Variants in RIPK4 observed in about 807,000 individuals in gnomAD.
RIPK4 encodes receptor-interacting serine/threonine-protein kinase 4.
RIPK4 carries 17 observed loss-of-function variants against 42.9 expected under a neutral mutation model. That is an observed-to-expected ratio of 0.40 (90% confidence interval 0.27 to 0.59). The LOEUF is 0.59. RIPK4 is among the 20% of genes least tolerant of loss of function. The pLI, the probability that RIPK4 is intolerant of heterozygous loss-of-function variation, is 0.47. For missense variants in RIPK4, 897 were observed against 1,104.4 expected, an observed-to-expected ratio of 0.81 and a Z score of 2.66; for synonymous variants, 498 against 499.1, an observed-to-expected ratio of 1.00 and a Z score of 0.03.
chr21:41,746,359 G>A (rs1190418333), intron 5 of RIPK4, among the ~76,000 whole-genome samples: 1 of 152,252 alleles, frequency 6.6e-6, no homozygotes, highest in African/African-American at 2.4e-5. Flanking sequence ...TCCTCTGGGT[G>A]GCAAGCCCAA....
Position 41,741,082 on chromosome 21 carries a change from T to C in RIPK4, c.2111A>G (p.Gln704Arg). 1 of 1,611,876 alleles carries C rather than the reference T, an allele frequency of 6.2e-7. No individual in the cohort carries two copies. ...GGCGGCAGCCAGGTGCAGCGCCGTCTGGTTCAGGGGTCCCCGGGCCAGCAC... is the reference window on the plus strand; with the variant it reads ...GGCGGCAGCCAGGTGCAGCGCCGTCCGGTTCAGGGGTCCCCGGGCCAGCAC... ...ADVLARGPLN[Q>R]TALHLAAAHG... is the part of the protein sequence containing the mutation. The change falls in exon 8 of 8, where the codon CAG (glutamine) becomes CGG (arginine). Residue 704 changes from glutamine to arginine, a missense_variant. Coordinates refer to ENST00000332512, the MANE Select transcript of RIPK4 (RefSeq NM_020639.3).
chr21:41,746,696 G>T lies in RIPK4; in HGVS notation c.749C>A (p.Ala250Asp). 6.2e-7 allele frequency: 1 copy of T among 1,610,834 alleles called. No homozygotes were observed. ...CAGGTGGCTGCAGGCGCGCGGCCGG[G>T]CTCTGCACACGGGCGGCAGCTCGGG... Reference protein sequence around the residue: ...HRPELPPVCRARPRACSHLIR... With the variant: ...HRPELPPVCRDRPRACSHLIR... Residue 250 changes from alanine (A) to aspartate (D), a missense_variant, in exon 5 of 8, where the codon GCC becomes GAC. Coordinates refer to ENST00000332512, the MANE Select transcript of RIPK4 (RefSeq NM_020639.3).
intron 6 of RIPK4, among the ~76,000 whole-genome samples, chr21:41,745,255 T>G (rs1195485393): frequency 2.0e-5 from 3 of 152,208 alleles, no homozygotes; most frequent in Non-Finnish European, 2.9e-5. Flanking sequence ...TAAAGCTCAC[T>G]TATCAGCTGG....
Position 41,759,931 on chromosome 21 carries a change from C to G in RIPK4, c.183-3115G>C, listed in dbSNP as rs546989012. On this transcript the variant is annotated intron_variant, in intron 1 of 7. Transcript: ENST00000332512. Reference sequence around the variant, plus strand: ...TCGGAGATCTCAGCCTGTCTGCCCCCCAACAATGCAAGCCCTGCAGCTAGG... The same window carrying G: ...TCGGAGATCTCAGCCTGTCTGCCCCGCAACAATGCAAGCCCTGCAGCTAGG... Among the ~76,000 whole-genome samples the G allele has an allele frequency of 9.1e-4, 138 of 152,320 alleles. 2 individuals are homozygous for G. The highest frequency in any genetic ancestry group is 3.2e-3 in the African/African-American group (134 of 41,550).
At chr21:41,748,118 C>T (rs1018972569) in intron 4 of RIPK4, among the ~76,000 whole-genome samples, 3 of 152,338 alleles carry the variant, frequency 2.0e-5, no homozygotes, top group East Asian at 1.9e-4. Context: ...AGGCGACAGG[C>T]GGTCAGACAA....
chr21:41,766,968 C>A lies in RIPK4; in HGVS notation c.74G>T (p.Trp25Leu). 1.2e-6 allele frequency: 2 copies of A among 1,606,680 alleles called. No homozygotes were observed. The highest frequency in any genetic ancestry group is 1.7e-6 in the Non-Finnish European group (2 of 1,177,370). The change falls in exon 1 of 8, where the codon TGG becomes TTG. Residue 25 changes from tryptophan to leucine, a missense_variant. Physicochemically the swap from Trp to Leu is moderately conservative, Grantham distance 61. Transcript: ENST00000332512. ...RTFDAGEFTGWEKVGSGGFGQ... is the reference protein window; with the variant it reads ...RTFDAGEFTGLEKVGSGGFGQ... ...GAAGCCGCCCGAGCCCACCTTCTCC[C>A]AGCCCGTGAACTCGCCCGCGTCGAA...
In RIPK4 at chr21:41,741,448, T is replaced by C; in HGVS notation, c.1745A>G (p.His582Arg). The C allele has an allele frequency of 6.2e-7, 1 of 1,612,800 alleles. No individual in the cohort carries two copies. The highest frequency in any genetic ancestry group is 8.5e-7 in the Non-Finnish European group (1 of 1,179,914). Residue 582 changes from histidine to arginine, a missense_variant, in exon 8 of 8, where the codon CAC (histidine) becomes CGC (arginine). His to Arg is a conservative substitution (Grantham distance 29, BLOSUM62 0). Transcript: ENST00000332512. The stretch of plus-strand genomic sequence containing the variant: ...GGCCAGCAGCTTGACGATGGGCAGG[T>C]GGCCCTGCCAGGCAGCGTAGTGCAG... The part of the protein sequence containing the change: ...LPLHYAAWQG[H>R]LPIVKLLAKQ...
rs1053389442 is a variant in RIPK4 at position 41,751,808 on chromosome 21, C to T, written c.475-563G>A. ...GCAAACAAAACACACGCCTCAGAGC[C>T]CCGTCCATCTGGAGTGTTTTGTGAT... On this transcript the variant is annotated intron_variant, in intron 2 of 7. Coordinates refer to ENST00000332512, the MANE Select transcript of RIPK4 (RefSeq NM_020639.3). This position sits in a 1 kb window ranked among gnomAD's most constrained non-coding sequence, Gnocchi z 4.5. Among the ~76,000 whole-genome samples the T allele has an allele frequency of 6.6e-6, 1 of 152,214 alleles. No individual in the cohort carries two copies. Among genetic ancestry groups the T allele is most frequent in the Non-Finnish European group, 1.5e-5 (1 of 68,036 alleles).
rs889477402 is a variant in RIPK4 at position 41,739,791 on chromosome 21, C to G, written c.*1047G>C. On this transcript the variant is annotated 3_prime_UTR_variant, in exon 8 of 8. Coordinates refer to ENST00000332512, the MANE Select transcript of RIPK4 (RefSeq NM_020639.3). The stretch of plus-strand genomic sequence containing the variant: ...TCTGCAAAGCAGGTCAGAAACACTC[C>G]CCCCATACCCCAAAACACTATCCCT... 6.6e-6 allele frequency: 1 copy of G among 152,252 alleles called. No individual in the cohort carries two copies. Among genetic ancestry groups the G allele is most frequent in the Non-Finnish European group, 1.5e-5 (1 of 68,068 alleles). The allele number at this position is 152,252 out of a possible 1,614,324, so 9.4% of individuals were successfully genotyped here. A position where few individuals can be genotyped will look rare whatever the true frequency, so the allele number is the denominator to read the frequency against.
In RIPK4 at chr21:41,740,418, T is replaced by A. The variant is rs560478333; in HGVS notation, c.*420A>T. 1.6e-4 allele frequency: 28 copies of A among 179,418 alleles called. 2 individuals are homozygous for A. In the South Asian group the frequency reaches 4.9e-3, roughly 31 times the overall value. 11.1% of individuals were successfully genotyped at this position (179,418 alleles called of 1,614,324 possible). On this transcript the variant is annotated 3_prime_UTR_variant, in exon 8 of 8. Transcript: ENST00000332512. Reference sequence around the variant, plus strand: ...TTAAGACAGGCCTCTCTGCCCACCGTCATGTATGAAGATAAAAAACACAGT... The same window carrying A: ...TTAAGACAGGCCTCTCTGCCCACCGACATGTATGAAGATAAAAAACACAGT...
intron 6 of RIPK4, among the ~76,000 whole-genome samples, chr21:41,744,410 C>T (rs942019972): frequency 2.0e-5 from 3 of 152,010 alleles, no homozygotes; most frequent in African/African-American, 7.2e-5. Flanking sequence ...GACCCTGCAC[C>T]CGCACAGCAC....
At chr21:41,748,758 C>A (rs1039347749) in intron 4 of RIPK4, among the ~76,000 whole-genome samples, 2 of 152,192 alleles carry the variant, frequency 1.3e-5, no homozygotes, top group Non-Finnish European at 2.9e-5. Flanking sequence ...GTTGCTGGGG[C>A]TTGAGCAGGA....
At chr21:41,758,021 A>AATATATATATAT (rs1195745927) in intron 1 of RIPK4, among the ~76,000 whole-genome samples, 1 of 51,370 alleles carries the variant, frequency 1.9e-5, no homozygotes, top group African/African-American at 1.1e-4. Context: ...AAAAAAAAAA[A>AATATATATATAT]ATATATATAT....
In RIPK4 at chr21:41,751,102, T is replaced by C. The variant is rs746370158; in HGVS notation, c.618A>G (p.Val206=). ...GGGGGCGGCATGTCACACACCTGTA[T>C]ACATCGTGCTTGGTGTCGAAGAGCC... The part of the protein sequence containing the change: ...KSRLFDTKHD[V]YSFAIVIWGV... Residue 206 remains valine (V), a synonymous_variant, in exon 3 of 8, where the codon GTA becomes GTG. Transcript: ENST00000332512. This position sits in a 1 kb window ranked among gnomAD's most constrained non-coding sequence, Gnocchi z 4.5. The C allele has an allele frequency of 6.2e-7, 1 of 1,613,956 alleles. No individual in the cohort carries two copies. Among genetic ancestry groups the C allele is most frequent in the South Asian group, 1.1e-5 (1 of 91,076 alleles).
chr21:41,765,466 C>T (rs567514988), intron 1 of RIPK4, among the ~76,000 whole-genome samples: 118 of 152,190 alleles, frequency 7.8e-4, no homozygotes, highest in Non-Finnish European at 8.4e-4. Flanking sequence ...TTGAGGGTTA[C>T]GGCAAAAAGC....
intron 3 of RIPK4, 30 bp from the exon 4 acceptor site, chr21:41,749,233 T>G: frequency 6.2e-7 from 1 of 1,612,992 alleles, no homozygotes; most frequent in Non-Finnish European, 8.5e-7. Context: ...CGTTAGCATC[T>G]GACAGCCAGA....
At chr21:41,756,013 C>T (rs1230958171) in intron 2 of RIPK4, among the ~76,000 whole-genome samples, 3 of 152,218 alleles carry the variant, frequency 2.0e-5, no homozygotes, top group East Asian at 1.9e-4. Context: ...CCGCACTCTA[C>T]GCAGGGGCAG....
At chr21:41,743,824 C>T (rs2061161701) in intron 7 of RIPK4, 58 bp downstream of exon 7, 1 of 1,519,502 alleles carries the variant, frequency 6.6e-7, no homozygotes, top group Non-Finnish European at 8.8e-7. Flanking sequence ...TCACTGAGTC[C>T]AGTCCACTGT....
Position 41,745,819 on chromosome 21 carries a change from G to A in RIPK4, c.876C>T (p.Asp292=), listed in dbSNP as rs763441785. 22 of 1,614,070 alleles carry A rather than the reference G, an allele frequency of 1.4e-5. No homozygotes were observed. Among genetic ancestry groups the A allele is most frequent in the South Asian group, 4.4e-5 (4 of 91,090 alleles). ...ETEDLCEKPD[D]EVKETAHDLD... Reference sequence around the variant, plus strand: ...GATCATGAGCAGTTTCTTTCACTTCGTCATCAGGCTTTTCACACAGGTCCT... The same window carrying A: ...GATCATGAGCAGTTTCTTTCACTTCATCATCAGGCTTTTCACACAGGTCCT... The change falls in exon 6 of 8, where the codon GAC becomes GAT. Residue 292 remains aspartate, a synonymous_variant. Transcript: ENST00000332512.
Sources: allele counts gnomAD v4.1 joint callset (sites outside exome capture counted in the v4.1 genomes callset), GRCh38; gene constraint gnomAD v4.1.1; non-coding constraint Gnocchi (gnomAD v3.1); transcripts MANE v1.5; gene names NCBI Gene and HGNC (gene_info 2026-07-23, HGNC 2026-07-21).